The following PRSS23 variants were observed in gnomAD, a reference collection of about 807,000 sequenced individuals.
The protein encoded by PRSS23 is serine protease 23.
In PRSS23, 25 loss-of-function variants were observed where a neutral mutation model predicts 34.7. The ratio of observed to expected loss-of-function variants is 0.72; its 90% CI spans 0.53 to 1.01. The LOEUF (loss-of-function observed/expected upper bound fraction) is 1.01. Among genes scored for constraint, PRSS23 ranks in the 50% least tolerant of loss-of-function variants. The probability of loss-of-function intolerance (pLI) is 0.00; values close to 1 mark genes in which losing one functional copy is unlikely to be tolerated. For synonymous variants in PRSS23, 176 were observed against 186.6 expected (o/e 0.94, Z 0.46); for missense variants, 445 against 475.6 (o/e 0.94, Z 0.60).
chr11:86,908,345 TTAA>T (rs536280509), intron 2 of PRSS23, among the ~76,000 whole-genome samples: 122 of 152,346 alleles, frequency 8.0e-4, no homozygotes, highest in African/African-American at 2.5e-3. Flanking sequence ...ACACATATTT[TTAA>T]TAATCAAAAT....
intron 2 of PRSS23, among the ~76,000 whole-genome samples, chr11:86,912,436 A>C (rs898317717): frequency 2.6e-5 from 4 of 152,126 alleles, no homozygotes; most frequent in Non-Finnish European, 5.9e-5. Context: ...ATATTGGCCT[A>C]CTTTCCCTGA....
chr11:86,796,891 G>A (rs1327414548), upstream of PRSS23, among the ~76,000 whole-genome samples: 2 of 152,180 alleles, frequency 1.3e-5, no homozygotes, highest in African/African-American at 4.8e-5. Context: ...CTACCTCAAA[G>A]CTTTCAGCAC....
intron 2 of PRSS23, among the ~76,000 whole-genome samples, chr11:86,942,231 G>C (rs1047738746): frequency 6.6e-6 from 1 of 152,196 alleles, no homozygotes; most frequent in Non-Finnish European, 1.5e-5. Flanking sequence ...TCCCAGGAAA[G>C]ATGACCCAAG....
At chr11:86,805,763 A>C (rs968798367) in intron 1 of PRSS23, among the ~76,000 whole-genome samples, 4 of 152,270 alleles carry the variant, frequency 2.6e-5, no homozygotes, top group African/African-American at 9.6e-5. Context: ...ATGCTCAGCT[A>C]TACTACATCA....
intron 2 of PRSS23, among the ~76,000 whole-genome samples, chr11:86,830,314 C>T (rs1390415397): frequency 1.3e-5 from 2 of 152,216 alleles, no homozygotes; most frequent in African/African-American, 4.8e-5. Flanking sequence ...GATATAATCT[C>T]CTTGTGCATC....
At chr11:86,948,972 C>G (rs1404756535) in intron 2 of PRSS23, 1 of 152,634 alleles carries the variant, frequency 6.6e-6, no homozygotes, top group Non-Finnish European at 1.5e-5. Context: ...TGCTCCAGGG[C>G]CGTGGACAGT....
chr11:86,925,319 T>TGTGTGTGG (rs1565387923), intron 2 of PRSS23, among the ~76,000 whole-genome samples: 3 of 151,510 alleles, frequency 2.0e-5, no homozygotes, highest in Admixed American at 1.3e-4. Flanking sequence ...TGTGTGTGTG[T>TGTGTGTGG]GTGTGTGTGT....
intron 1 of PRSS23, among the ~76,000 whole-genome samples, chr11:86,802,721 A>G (rs916267762): frequency 2.6e-5 from 4 of 152,220 alleles, no homozygotes; most frequent in African/African-American, 4.8e-5. Flanking sequence ...CTTGTTTGCT[A>G]TAGGAGTTAA....
Position 86,800,632 on chromosome 11 carries a change from G to A in PRSS23, c.-33G>A. 2.0e-6 allele frequency: 2 copies of A among 985,192 alleles called. No homozygotes were observed. The highest frequency in any genetic ancestry group is 2.4e-6 in the Non-Finnish European group (2 of 829,850). 61.0% of individuals were successfully genotyped at this position (985,192 alleles called of 1,614,324 possible). On this transcript the variant is annotated 5_prime_UTR_variant, in exon 1 of 2. Transcript: ENST00000280258. ...TGAGCGGCGCAGCGAGCCGCGGCCC[G>A]GGCGGGCTGCTCGGCGCGGGTGAGT...
intron 2 of PRSS23, among the ~76,000 whole-genome samples, chr11:86,932,064 G>A (rs913664624): frequency 9.2e-5 from 14 of 152,182 alleles, no homozygotes; most frequent in Non-Finnish European, 1.2e-4. Flanking sequence ...TGGAGGTGAT[G>A]GAGACTTCCA....
chr11:86,805,445 C>A (rs564989506), intron 1 of PRSS23, among the ~76,000 whole-genome samples: 3 of 152,164 alleles, frequency 2.0e-5, no homozygotes, highest in Admixed American at 2.0e-4. Flanking sequence ...CATACAAACA[C>A]GTGTGTGCAC....
chr11:86,802,201 T>G (rs1318471616), intron 1 of PRSS23, among the ~76,000 whole-genome samples: 1 of 152,158 alleles, frequency 6.6e-6, no homozygotes. Flanking sequence ...GTTTCTCATG[T>G]TCTCAATATT....
chr11:86,844,729 T>C (rs187832013), intron 2 of PRSS23, among the ~76,000 whole-genome samples: 7 of 152,244 alleles, frequency 4.6e-5, no homozygotes, highest in Admixed American at 1.3e-4. Context: ...AACAAACAAG[T>C]GTTGTTTTAT....
intron 2 of PRSS23, among the ~76,000 whole-genome samples, chr11:86,916,655 C>G (rs969582195): frequency 6.6e-6 from 1 of 152,296 alleles, no homozygotes; most frequent in East Asian, 1.9e-4. Context: ...CAAACTGGCT[C>G]CCCTTCCCAG....
chr11:86,928,011 A>T (rs1949092892), intron 2 of PRSS23, among the ~76,000 whole-genome samples: 1 of 151,830 alleles, frequency 6.6e-6, no homozygotes, highest in Admixed American at 6.6e-5. Flanking sequence ...TCCTTAAAAC[A>T]CACAGATATT....
chr11:86,929,289 T>G (rs1233559960), intron 2 of PRSS23, among the ~76,000 whole-genome samples: 1 of 128,540 alleles, frequency 7.8e-6, no homozygotes, highest in African/African-American at 3.0e-5. Context: ...GCCATTGTAC[T>G]CCAGCCTGGG....
upstream of PRSS23, chr11:86,800,485 C>T (rs1948018932): frequency 3.0e-6 from 3 of 984,218 alleles, no homozygotes; most frequent in South Asian, 9.4e-5. Context: ...GCGGGCGGGC[C>T]TCGGGTGGCG....
At chr11:86,830,048 A>C in intron 2 of PRSS23, among the ~76,000 whole-genome samples, 1 of 152,220 alleles carries the variant, frequency 6.6e-6, no homozygotes, top group Non-Finnish European at 1.5e-5. Flanking sequence ...TTAAGTCTGC[A>C]GAGGTTACTG....
chr11:86,872,711 A>G (rs139448333), intron 2 of PRSS23, among the ~76,000 whole-genome samples: 5 of 152,362 alleles, frequency 3.3e-5, no homozygotes, highest in East Asian at 1.9e-4. Flanking sequence ...TGAAAACCCA[A>G]TTATCCCATT....
Sources: gnomAD v4.1 joint callset for allele counts (sites outside exome capture counted in the v4.1 genomes callset) on GRCh38, gnomAD v4.1.1 for gene constraint, MANE v1.5 for transcripts, NCBI Gene and HGNC (gene_info 2026-07-23, HGNC 2026-07-21) for gene names.